Variants in DNER observed in about 807,000 individuals in gnomAD.
DNER encodes the protein delta and Notch-like epidermal growth factor-related receptor.
Under a neutral mutation model 78.2 loss-of-function variants are expected in DNER, and 33 were observed. That is an observed-to-expected ratio of 0.42 (90% CI 0.32 to 0.56). The LOEUF (loss-of-function observed/expected upper bound fraction) is 0.56. Ranked by LOEUF, DNER falls within the 20% of genes least tolerant of loss-of-function variation. DNER has a pLI of 0.11. For synonymous variants in DNER, 417 were observed against 384.8 expected (o/e 1.08, Z -0.98); for missense variants, 918 against 975.3 (o/e 0.94, Z 0.78).
chr2:229,430,995 T>A (rs1172717418), intron 8 of DNER, among the ~76,000 whole-genome samples: 3 of 152,076 alleles, frequency 2.0e-5, no homozygotes, highest in African/African-American at 7.2e-5. Context: ...ACAGACATTA[T>A]AATAAACGCA....
intron 6 of DNER, among the ~76,000 whole-genome samples, chr2:229,480,435 T>C (rs1695132799): frequency 6.6e-6 from 1 of 152,204 alleles, no homozygotes; most frequent in Non-Finnish European, 1.5e-5. Flanking sequence ...CTTTAAAACA[T>C]ATTTATTTAT....
At chr2:229,664,028 G>C (rs1256079833) in intron 1 of DNER, among the ~76,000 whole-genome samples, 1 of 152,014 alleles carries the variant, frequency 6.6e-6, no homozygotes, top group South Asian at 2.1e-4. Flanking sequence ...TAACTAACCT[G>C]GTCCAATATG....
chr2:229,683,736 A>G (rs1699428233), intron 1 of DNER, among the ~76,000 whole-genome samples: 1 of 152,096 alleles, frequency 6.6e-6, no homozygotes, highest in Admixed American at 6.5e-5. Flanking sequence ...TACTTTACAC[A>G]TATTTAATAA....
rs570188308 is a variant in DNER at position 229,586,394 on chromosome 2, T to G, written c.681-370A>C. On this transcript the variant is annotated intron_variant, in intron 3 of 12. Coordinates refer to ENST00000341772, the MANE Select transcript of DNER (RefSeq NM_139072.4). ...AGCCACCTGAGTTATGCTGCCAAAA[T>G]AAGCAAAAGTGTGTCACCTTTCCCC... is the stretch of plus-strand genomic sequence containing the variant. 4.0e-5 allele frequency among the ~76,000 whole-genome samples: 6 copies of G among 149,324 alleles called. No homozygotes were observed. In the South Asian group the frequency reaches 1.3e-3, roughly 32 times the overall value.
At chr2:229,661,552 A>C (rs1003123186) in intron 1 of DNER, among the ~76,000 whole-genome samples, 4 of 152,244 alleles carry the variant, frequency 2.6e-5, no homozygotes, top group African/African-American at 4.8e-5. Flanking sequence ...AAATGTCAAC[A>C]AGACTAAAAA....
chr2:229,421,702 A>G lies in DNER; in HGVS notation c.1487-3472T>C, dbSNP rs867391779. ...AGTAAAAATATATACATATATATCCATGTATATGTAAAGAGTTAAGTGTCT... is the reference window on the plus strand; with the variant it reads ...AGTAAAAATATATACATATATATCCGTGTATATGTAAAGAGTTAAGTGTCT... On this transcript the variant is annotated intron_variant, in intron 8 of 12. Coordinates refer to ENST00000341772, the MANE Select transcript of DNER (RefSeq NM_139072.4). Among the ~76,000 whole-genome samples, 9 of 151,766 alleles carry G rather than the reference A, an allele frequency of 5.9e-5. No individual in the cohort carries two copies. In the South Asian group the frequency reaches 1.5e-3, roughly 25 times the overall value.
chr2:229,648,708 G>A (rs936535522), intron 1 of DNER, among the ~76,000 whole-genome samples: 22 of 152,280 alleles, frequency 1.4e-4, no homozygotes, highest in Admixed American at 6.5e-5. Flanking sequence ...AAGTCATTAT[G>A]ATAACAAAAG....
chr2:229,446,691 T>C (rs1308526624), intron 8 of DNER, among the ~76,000 whole-genome samples: 2 of 152,328 alleles, frequency 1.3e-5, no homozygotes, highest in Middle Eastern at 3.4e-3. Context: ...TTTTGACTAG[T>C]AATCACTCAC....
At chr2:229,576,281 G>C (rs1404212066) in intron 4 of DNER, among the ~76,000 whole-genome samples, 1 of 150,296 alleles carries the variant, frequency 6.7e-6, no homozygotes, top group African/African-American at 2.5e-5. Context: ...GGGTATCTTA[G>C]AGGACAAAAT....
At chr2:229,432,532 T>C (rs1191673395) in intron 8 of DNER, among the ~76,000 whole-genome samples, 2 of 152,272 alleles carry the variant, frequency 1.3e-5, no homozygotes, top group Non-Finnish European at 2.9e-5. Flanking sequence ...TATTTCCTTT[T>C]AATTTATTTC....
chr2:229,520,673 G>A (rs748698052), intron 5 of DNER, among the ~76,000 whole-genome samples: 6 of 151,968 alleles, frequency 3.9e-5, no homozygotes, highest in East Asian at 1.9e-4. Flanking sequence ...GCTAAAACTC[G>A]GAAACACTGG....
intron 1 of DNER, among the ~76,000 whole-genome samples, chr2:229,619,433 A>G (rs182837790): frequency 6.6e-6 from 1 of 152,326 alleles, no homozygotes; most frequent in Non-Finnish European, 1.5e-5. Context: ...GCAGAGAGAC[A>G]TCTGGCTTGG....
intron 1 of DNER, among the ~76,000 whole-genome samples, chr2:229,692,768 CAT>C (rs2154217425): frequency 6.6e-6 from 1 of 152,260 alleles, no homozygotes; most frequent in Non-Finnish European, 1.5e-5. Context: ...ATTCATTCCA[CAT>C]AGTTTTAAAC....
At chr2:229,533,077 C>T (rs767315531) in intron 5 of DNER, among the ~76,000 whole-genome samples, 24 of 152,250 alleles carry the variant, frequency 1.6e-4, no homozygotes, top group Admixed American at 9.8e-4. Context: ...AGATGAGAGA[C>T]TACAATGTGG....
intron 6 of DNER, among the ~76,000 whole-genome samples, chr2:229,503,943 C>T (rs6744847): frequency 0.054 from 8,281 of 152,106 alleles, 665 homozygotes; most frequent in African/African-American, 0.18. Flanking sequence ...GGAGTTTTGC[C>T]ATGTTGCCCA....
intron 5 of DNER, among the ~76,000 whole-genome samples, chr2:229,516,965 G>A (rs1695989471): frequency 6.7e-6 from 1 of 149,876 alleles, no homozygotes; most frequent in Non-Finnish European, 1.5e-5. Context: ...AAAAAAATTA[G>A]CTGGGCGTGG....
At chr2:229,568,871 C>T (rs1697160835) in intron 4 of DNER, among the ~76,000 whole-genome samples, 1 of 152,146 alleles carries the variant, frequency 6.6e-6, no homozygotes, top group Admixed American at 6.6e-5. Context: ...CCTAAGCCAA[C>T]AGATCATTCT....
intron 1 of DNER, among the ~76,000 whole-genome samples, chr2:229,629,775 G>C (rs1323151471): frequency 3.3e-5 from 5 of 152,204 alleles, no homozygotes; most frequent in African/African-American, 1.2e-4. Flanking sequence ...GTGGCATTCT[G>C]AATATTTGTC....
chr2:229,618,667 C>G (rs796567927), intron 1 of DNER, among the ~76,000 whole-genome samples: 14 of 152,300 alleles, frequency 9.2e-5, no homozygotes, highest in African/African-American at 3.4e-4. Flanking sequence ...TTGCACATTT[C>G]ATACTCTATT....
Sources: allele counts gnomAD v4.1 joint callset (sites outside exome capture counted in the v4.1 genomes callset), GRCh38; gene constraint gnomAD v4.1.1; transcripts MANE v1.5; gene names NCBI Gene and HGNC (gene_info 2026-07-23, HGNC 2026-07-21).